Variants in GNAL observed in about 807,000 individuals in gnomAD.
GNAL encodes guanine nucleotide-binding protein G(olf) subunit alpha.
GNAL carries 18 observed loss-of-function variants against 55.1 expected under a neutral mutation model. The ratio of observed to expected loss-of-function variants is 0.33; its 90% confidence interval spans 0.23 to 0.48. The LOEUF is 0.48. Among genes scored for constraint, GNAL ranks in the 20% least tolerant of loss-of-function variants. The pLI is 0.99. For missense variants in GNAL, 412 were observed against 614.1 expected, an observed-to-expected ratio of 0.67 and a Z score of 3.48; for synonymous variants, 253 against 237.0, an observed-to-expected ratio of 1.07 and a Z score of -0.62.
intron 1 of GNAL, among the ~76,000 whole-genome samples, chr18:11,709,816 G>A (rs2031796385): frequency 6.6e-6 from 1 of 151,890 alleles, no homozygotes; most frequent in African/African-American, 2.4e-5. Context: ...ATATGCTTTG[G>A]CTGGGACTTC....
In GNAL at chr18:11,703,074, C is replaced by T. The variant is rs140005394; in HGVS notation, c.376+13135C>T. ...CAGAGGTTGCAGTGAGCAGAGATTGCGCCACTGCACTCCAGCCTGGGCGAC... is the reference window on the plus strand; with the variant it reads ...CAGAGGTTGCAGTGAGCAGAGATTGTGCCACTGCACTCCAGCCTGGGCGAC... On this transcript the variant is annotated intron_variant, in intron 1 of 11. Transcript: ENST00000334049. 6.0e-3 allele frequency among the ~76,000 whole-genome samples: 910 copies of T among 152,180 alleles called. 6 individuals are homozygous for T. The highest frequency in any genetic ancestry group is 0.021 in the African/African-American group (870 of 41,522).
chr18:11,694,103 T>G (rs575583980), intron 1 of GNAL, among the ~76,000 whole-genome samples: 61 of 152,230 alleles, frequency 4.0e-4, no homozygotes, highest in African/African-American at 1.2e-3. Flanking sequence ...TCCACCTGTC[T>G]TGGCCCACAG....
At chr18:11,872,988 C>T (rs764768277) in intron 10 of GNAL, among the ~76,000 whole-genome samples, 1 of 152,200 alleles carries the variant, frequency 6.6e-6, no homozygotes, top group Non-Finnish European at 1.5e-5. Flanking sequence ...CATCCCAGGC[C>T]ACCTGAGACT....
At position 11,865,129 on chromosome 18, in the gene GNAL, G is replaced by A. The variant is rs547258005; in HGVS notation, c.851+523G>A. Among the ~76,000 whole-genome samples the A allele has an allele frequency of 1.6e-4, 23 of 139,820 alleles. 4 individuals carry two copies. The highest frequency in any genetic ancestry group is 7.7e-4 in the African/African-American group (23 of 29,822). The allele number at this position is 139,820 out of a possible 152,430, so 91.7% of individuals were successfully genotyped here. ...GACTCTCTCGGCACAGCCCTGGCTT[G>A]TCTCCTGTCCCCTGGCTTACCCATT... On this transcript the variant is annotated intron_variant, in intron 7 of 11. Transcript: ENST00000334049.
intron 4 of GNAL, among the ~76,000 whole-genome samples, chr18:11,757,797 A>G (rs2033108445): frequency 6.6e-6 from 1 of 152,096 alleles, no homozygotes; most frequent in Admixed American, 6.5e-5. Flanking sequence ...TGCAGAAGGA[A>G]GGGATGTCAG....
chr18:11,691,146 G>T (rs1357560237), intron 1 of GNAL, among the ~76,000 whole-genome samples: 23 of 151,826 alleles, frequency 1.5e-4, no homozygotes, highest in South Asian at 1.0e-3. Context: ...TTTAATGATT[G>T]CCATTCTAAC....
chr18:11,801,619 G>A (rs2034524970), intron 4 of GNAL, among the ~76,000 whole-genome samples: 1 of 152,160 alleles, frequency 6.6e-6, no homozygotes, highest in South Asian at 2.1e-4. Flanking sequence ...GCCATAGAGA[G>A]GCAAGGAGAC....
rs763877146 is a variant in GNAL at position 11,881,129 on chromosome 18, C to A, written c.1371C>A (p.Leu457=). 8 of 1,607,450 alleles carry A rather than the reference C, an allele frequency of 5.0e-6. No individual in the cohort carries two copies. The highest frequency in any genetic ancestry group is 6.8e-6 in the Non-Finnish European group (8 of 1,176,198). ...IQRMHLKQYE[L]L ...GGATGCACCTCAAGCAGTATGAGCT[C>A]TTGTGAGGATGCTGCCGCCACCCTG... is the stretch of plus-strand genomic sequence containing the variant. Residue 457 remains leucine, a synonymous_variant, in exon 12 of 12, where the codon CTC becomes CTA. Transcript: ENST00000334049. This position sits in a 1 kb window ranked among gnomAD's most constrained non-coding sequence, Gnocchi z 4.8.
chr18:11,796,227 G>A (rs541124400), intron 4 of GNAL, among the ~76,000 whole-genome samples: 3 of 152,158 alleles, frequency 2.0e-5, no homozygotes, highest in Admixed American at 6.5e-5. Flanking sequence ...AGTTGGACAT[G>A]CTTGTTATAA....
chr18:11,824,360 G>A (rs771771663), intron 4 of GNAL, among the ~76,000 whole-genome samples: 22 of 151,880 alleles, frequency 1.4e-4, no homozygotes, highest in Non-Finnish European at 2.9e-4. Flanking sequence ...TAACTTTGAT[G>A]TAATTTGCAT....
At chr18:11,862,860 CA>C (rs1388995203) in intron 6 of GNAL, among the ~76,000 whole-genome samples, 3 of 140,102 alleles carry the variant, frequency 2.1e-5, no homozygotes, top group African/African-American at 2.6e-5. Flanking sequence ...TGGGTTGAGT[CA>C]AAAAAAAAGC....
intron 4 of GNAL, among the ~76,000 whole-genome samples, chr18:11,779,667 G>T (rs2033877599): frequency 6.6e-6 from 1 of 152,120 alleles, no homozygotes; most frequent in Non-Finnish European, 1.5e-5. Flanking sequence ...GGGAGTTATT[G>T]GCTCATGCAC....
At position 11,881,189 on chromosome 18, in the gene GNAL, G is replaced by T; in HGVS notation, c.*54G>T. On this transcript the variant is annotated 3_prime_UTR_variant, in exon 12 of 12. Transcript: ENST00000334049. The surrounding 1 kb of genome is among the most constrained non-coding windows in gnomAD (Gnocchi z 4.8). The stretch of plus-strand genomic sequence containing the variant: ...GGCGCCCCGGACTGCCTGACTGCCA[G>T]CCCCATGCCATGGTAGGAGGCAGAG... 2 of 1,526,610 alleles carry T rather than the reference G, an allele frequency of 1.3e-6. No homozygotes were observed. Among genetic ancestry groups the T allele is most frequent in the Non-Finnish European group, 1.8e-6 (2 of 1,125,728 alleles). 94.6% of individuals were successfully genotyped at this position (1,526,610 alleles called of 1,614,324 possible).
chr18:11,821,065 T>C (rs1293282295), intron 4 of GNAL, among the ~76,000 whole-genome samples: 5 of 152,216 alleles, frequency 3.3e-5, no homozygotes, highest in Non-Finnish European at 7.3e-5. Context: ...ACATTAAGCC[T>C]TATCCCATGA....
At chr18:11,798,133 T>TGA (rs2034437894) in intron 4 of GNAL, among the ~76,000 whole-genome samples, 3 of 152,304 alleles carry the variant, frequency 2.0e-5, no homozygotes, top group African/African-American at 7.2e-5. Context: ...CTCTGGAGGC[T>TGA]GAGGCAGGAG....
At chr18:11,781,441 C>T (rs1236292164) in intron 4 of GNAL, among the ~76,000 whole-genome samples, 1 of 152,090 alleles carries the variant, frequency 6.6e-6, no homozygotes, top group African/African-American at 2.4e-5. Context: ...CCCATACACC[C>T]CCACAGCCTC....
At chr18:11,731,251 G>A (rs967219024) in intron 1 of GNAL, among the ~76,000 whole-genome samples, 15 of 152,200 alleles carry the variant, frequency 9.9e-5, no homozygotes, top group African/African-American at 3.6e-4. Context: ...GGGTTCAAGC[G>A]ATTATCGTGT....
intron 5 of GNAL, chr18:11,851,470 C>T (rs963265142): frequency 1.3e-6 from 2 of 1,488,086 alleles, no homozygotes; most frequent in Admixed American, 2.6e-5. Context: ...GCCTTCGGCG[C>T]GCTTCTCAGC....
chr18:11,771,079 G>C (rs566151619), intron 4 of GNAL, among the ~76,000 whole-genome samples: 3 of 151,948 alleles, frequency 2.0e-5, no homozygotes, highest in African/African-American at 2.4e-5. Flanking sequence ...TTAGCCAGGC[G>C]TGGTGGCAGG....
Sources: allele counts gnomAD v4.1 joint callset (sites outside exome capture counted in the v4.1 genomes callset), GRCh38; gene constraint gnomAD v4.1.1; non-coding constraint Gnocchi (gnomAD v3.1); transcripts MANE v1.5; gene names NCBI Gene and HGNC (gene_info 2026-07-23, HGNC 2026-07-21).